ATF7: variants seen among roughly 807,000 people sequenced by gnomAD.
ATF7 encodes the protein cyclic AMP-dependent transcription factor ATF-7.
In ATF7, 10 loss-of-function variants were observed where a neutral mutation model predicts 50.4. That is an observed-to-expected ratio of 0.20 (90% CI 0.12 to 0.34). The LOEUF is 0.34. Among genes scored for constraint, ATF7 ranks in the 10% least tolerant of loss-of-function variants. ATF7 has a pLI of 1.00. For synonymous variants in ATF7, 201 were observed against 226.4 expected (o/e 0.89, Z 1.01); for missense variants, 465 against 613.9 (o/e 0.76, Z 2.56).
rs753999519 is a variant in ATF7 at position 53,560,169 on chromosome 12, G to A, written c.49-7532C>T. On this transcript the variant is annotated intron_variant, in intron 2 of 11. Coordinates refer to ENST00000420353, the MANE Select transcript of ATF7 (RefSeq NM_006856.3). ...GAACTCCTGACCTCATGATCCACCC[G>A]CCTTGGCCTCCTAAAGTGCTGGGAT... 2.0e-5 allele frequency among the ~76,000 whole-genome samples: 3 copies of A among 151,978 alleles called. 1 individual carries two copies. The South Asian group carries it at 6.2e-4, about 32-fold the overall frequency.
At chr12:53,594,878 A>G (rs1439168789) in intron 2 of ATF7, among the ~76,000 whole-genome samples, 1 of 145,360 alleles carries the variant, frequency 6.9e-6, no homozygotes, top group Admixed American at 7.0e-5. Flanking sequence ...ACAGAGCGAG[A>G]CCCCATCTCA....
chr12:53,606,054 T>TCTA (rs1943589317), intron 1 of ATF7, among the ~76,000 whole-genome samples: 1 of 152,150 alleles, frequency 6.6e-6, no homozygotes, highest in Admixed American at 6.6e-5. Flanking sequence ...GCCAACCAAG[T>TCTA]CTATGCTTTT....
intron 2 of ATF7, among the ~76,000 whole-genome samples, chr12:53,570,242 C>G (rs1399242330): frequency 6.6e-6 from 1 of 151,976 alleles, no homozygotes; most frequent in South Asian, 2.1e-4. Context: ...ACAAATTGTT[C>G]CAATTATATA....
At chr12:53,552,442 T>C (rs1392999582) in intron 3 of ATF7, 99 bp downstream of exon 3, 5 of 922,442 alleles carry the variant, frequency 5.4e-6, no homozygotes, top group Non-Finnish European at 8.6e-6. Flanking sequence ...GGGCTCTTAA[T>C]GGGAGAAAGG....
At chr12:53,609,470 TA>T (rs10715146) in intron 1 of ATF7, among the ~76,000 whole-genome samples, 138,097 of 139,616 alleles carry the variant, frequency 0.99, 68,298 homozygotes, top group South Asian at 1. Flanking sequence ...CCCTGTTTCT[TA>T]AAAAAAAAAA....
intron 2 of ATF7, among the ~76,000 whole-genome samples, chr12:53,595,324 T>G (rs1943110960): frequency 6.6e-6 from 1 of 152,228 alleles, no homozygotes; most frequent in Non-Finnish European, 1.5e-5. Context: ...TTCAAGATGC[T>G]TCCCTAACAT....
intron 2 of ATF7, among the ~76,000 whole-genome samples, chr12:53,579,610 A>G (rs1028649271): frequency 6.6e-6 from 1 of 151,326 alleles, no homozygotes; most frequent in African/African-American, 2.4e-5. Context: ...AGAGATGGTC[A>G]CTGTCTCTAT....
chr12:53,567,923 A>G (rs187016571), intron 2 of ATF7, among the ~76,000 whole-genome samples: 92 of 152,352 alleles, frequency 6.0e-4, no homozygotes, highest in Non-Finnish European at 1.0e-3. Flanking sequence ...CCAAATTCTT[A>G]TTAGGATGTT....
At chr12:53,575,867 T>A in intron 2 of ATF7, 1 of 152,932 alleles carries the variant, frequency 6.5e-6, no homozygotes. Flanking sequence ...AAGTCTTTTG[T>A]ATGCAAGGAG....
chr12:53,565,910 G>C (rs1029363865), intron 2 of ATF7, among the ~76,000 whole-genome samples: 2 of 152,164 alleles, frequency 1.3e-5, no homozygotes, highest in African/African-American at 4.8e-5. Context: ...AAAGGAAAGA[G>C]GTTTTATGGA....
At chr12:53,570,845 A>T (rs558120184) in intron 2 of ATF7, among the ~76,000 whole-genome samples, 1 of 150,160 alleles carries the variant, frequency 6.7e-6, no homozygotes, top group East Asian at 1.9e-4. Flanking sequence ...CTTCAGTATG[A>T]CCTCATATTA....
intron 3 of ATF7, among the ~76,000 whole-genome samples, chr12:53,546,917 C>T (rs1238783263): frequency 1.3e-5 from 2 of 151,594 alleles, no homozygotes; most frequent in Non-Finnish European, 2.9e-5. Context: ...GCCATCATGC[C>T]TAACTAATTT....
intron 1 of ATF7, among the ~76,000 whole-genome samples, chr12:53,615,159 G>A (rs1009920165): frequency 2.0e-5 from 3 of 151,790 alleles, no homozygotes; most frequent in Admixed American, 6.6e-5. Flanking sequence ...CGAGGCGGGC[G>A]GATCACAAGG....
chr12:53,616,098 T>G (rs1334909041), intron 1 of ATF7, among the ~76,000 whole-genome samples: 1 of 152,114 alleles, frequency 6.6e-6, no homozygotes, highest in Non-Finnish European at 1.5e-5. Context: ...AGTAAGGAAT[T>G]CCACTCAAAG....
At chr12:53,572,061 C>T (rs1355390519) in intron 2 of ATF7, among the ~76,000 whole-genome samples, 1 of 149,856 alleles carries the variant, frequency 6.7e-6, no homozygotes, top group African/African-American at 2.5e-5. Flanking sequence ...AGCCAGACTC[C>T]ATCTCAAAAA....
intron 1 of ATF7, among the ~76,000 whole-genome samples, chr12:53,623,440 A>G (rs975450115): frequency 6.6e-6 from 1 of 152,232 alleles, no homozygotes; most frequent in South Asian, 2.1e-4. Context: ...GAAACCAACA[A>G]CAAAAGAAAT....
intron 2 of ATF7, among the ~76,000 whole-genome samples, chr12:53,571,233 G>A (rs1165803702): frequency 1.3e-5 from 2 of 152,170 alleles, no homozygotes; most frequent in African/African-American, 2.4e-5. Context: ...TTCTCCTGGA[G>A]AGCCTTCTCA....
chr12:53,569,478 A>T (rs1399215872), intron 2 of ATF7, among the ~76,000 whole-genome samples: 1 of 152,242 alleles, frequency 6.6e-6, no homozygotes, highest in Non-Finnish European at 1.5e-5. Flanking sequence ...CATTTCCTCC[A>T]GGAAGCCTTC....
At chr12:53,544,767 A>C (rs1049939044) in intron 3 of ATF7, among the ~76,000 whole-genome samples, 16 of 152,002 alleles carry the variant, frequency 1.1e-4, no homozygotes, top group African/African-American at 3.9e-4. Context: ...AAACAAAAAA[A>C]CCCAAAAACA....
Sources: gnomAD v4.1 joint callset for allele counts (sites outside exome capture counted in the v4.1 genomes callset) on GRCh38, gnomAD v4.1.1 for gene constraint, MANE v1.5 for transcripts, NCBI Gene and HGNC (gene_info 2026-07-23, HGNC 2026-07-21) for gene names.